Variants in HMGN1 observed in about 807,000 individuals in gnomAD.
HMGN1 encodes high mobility group nucleosome binding domain 1, also known as non-histone chromosomal protein HMG-14.
A neutral mutation model predicts 18.4 loss-of-function variants in HMGN1; 9 were observed. The ratio of observed to expected loss-of-function variants is 0.49; its 90% CI spans 0.29 to 0.85. The LOEUF is 0.85. HMGN1 is among the 40% of genes least tolerant of loss of function. The pLI is 0.07. For synonymous variants in HMGN1, 59 were observed against 45.0 expected, an observed-to-expected ratio of 1.31 and a Z score of -1.24; for missense variants, 151 against 119.2, an observed-to-expected ratio of 1.27 and a Z score of -1.24.
At chr21:39,345,105 G>A in intron 5 of HMGN1, 41 bp downstream of exon 5, 1 of 620,470 alleles carries the variant, frequency 1.6e-6, no homozygotes. Context: ...CAGAGTCAAA[G>A]CAATCACACA....
At chr21:39,345,604 C>T in intron 4 of HMGN1, 1 of 398,744 alleles carries the variant, frequency 2.5e-6, no homozygotes, top group Non-Finnish European at 4.7e-6. Flanking sequence ...ATAGTACTTG[C>T]ATGTCAAGCC....
chr21:39,344,443 T>C (rs987920485), intron 5 of HMGN1: 3 of 152,156 alleles, frequency 2.0e-5, no homozygotes, highest in East Asian at 1.9e-4. Flanking sequence ...AAATTACTTA[T>C]CTTTTCTAGC....
intron 1 of HMGN1, 108 bp from the exon 2 acceptor site, chr21:39,348,685 C>T: frequency 7.4e-7 from 1 of 1,360,106 alleles, no homozygotes; most frequent in East Asian, 2.6e-5. Context: ...GGCTTCCCGC[C>T]GCCCCGTTCG....
chr21:39,348,640 G>A, intron 1 of HMGN1, 63 bp from the exon 2 acceptor site: 12 of 1,510,294 alleles, frequency 7.9e-6, no homozygotes, highest in Admixed American at 2.4e-5. Flanking sequence ...GGGCCCGCCC[G>A]GCCCCGAGAA....
Position 39,348,906 on chromosome 21 carries a change from C to T in HMGN1, c.12G>A (p.Arg4=). The change falls in exon 1 of 6, where the codon AGG becomes AGA. Residue 4 remains arginine, a synonymous_variant. Coordinates refer to ENST00000380749, the MANE Select transcript of HMGN1 (RefSeq NM_004965.7). ...GCGGGCCGCGGCCGCCGCTCACCTTCCTCTTGGGCATCGTGGCGGCGGGGA... is the reference window on the plus strand; with the variant it reads ...GCGGGCCGCGGCCGCCGCTCACCTTTCTCTTGGGCATCGTGGCGGCGGGGA... MPK[R]KVSSAEGAAK... is the part of the protein sequence containing the mutation. 11 of 1,175,726 alleles carry T rather than the reference C, an allele frequency of 9.4e-6. No homozygotes were observed. The highest frequency in any genetic ancestry group is 9.4e-6 in the Non-Finnish European group (9 of 955,088). The allele number at this position is 1,175,726 out of a possible 1,614,324, so 72.8% of individuals were successfully genotyped here.
In HMGN1 at chr21:39,345,149, C is replaced by T; in HGVS notation, c.252G>A (p.Glu84=). 12 of 1,443,330 alleles carry T rather than the reference C, an allele frequency of 8.3e-6. No homozygotes were observed. Among genetic ancestry groups the T allele is most frequent in the Non-Finnish European group, 1.1e-5 (12 of 1,074,026 alleles). The allele number at this position is 1,443,330 out of a possible 1,614,324, so 89.4% of individuals were successfully genotyped here. Residue 84 remains glutamate (E), a synonymous_variant, in exon 5 of 6, where the codon GAG becomes GAA. Transcript: ENST00000380749. ...LPAENGETKT[E]ESPASDEAGE... The stretch of plus-strand genomic sequence containing the variant: ...CACACACACACACACTTCTGACCTC[C>T]TCAGTCTTCGTTTCCCCGTTTTCCG...
chr21:39,348,844 CCCGGCGGGGCG>C (rs915305468), intron 1 of HMGN1, 48 bp downstream of exon 1: 31 of 1,048,742 alleles, frequency 3.0e-5, no homozygotes, highest in African/African-American at 1.5e-4. Context: ...CCTCGCGGGG[CCCGGCGGGGCG>C]CCGGCGGCGG....
intron 5 of HMGN1, among the ~76,000 whole-genome samples, chr21:39,344,076 G>A (rs957597496): frequency 2.0e-5 from 3 of 152,064 alleles, no homozygotes; most frequent in South Asian, 2.1e-4. Flanking sequence ...CTAACACGGC[G>A]AAACCCCGTT....
At chr21:39,348,155 G>T in intron 4 of HMGN1, 137 bp downstream of exon 4, 1 of 1,181,806 alleles carries the variant, frequency 8.5e-7, no homozygotes. Flanking sequence ...TTTTTGCCTC[G>T]ACCACTAGAA....
chr21:39,345,998 T>G (rs1397749257), intron 4 of HMGN1: 1 of 1,247,252 alleles, frequency 8.0e-7, no homozygotes, highest in Non-Finnish European at 1.1e-6. Context: ...ACTAACTTGA[T>G]ACATTAAGTT....
intron 5 of HMGN1, among the ~76,000 whole-genome samples, chr21:39,344,036 C>A (rs1569003945): frequency 6.6e-6 from 1 of 152,116 alleles, no homozygotes; most frequent in Non-Finnish European, 1.5e-5. Context: ...GGACAGATCA[C>A]CTGAGGTCAG....
chr21:39,344,760 C>A (rs1320595028), intron 5 of HMGN1: 1 of 167,912 alleles, frequency 6.0e-6, no homozygotes, highest in Non-Finnish European at 1.3e-5. Context: ...TTATTTAGAC[C>A]TTTAAGAAAA....
At chr21:39,346,140 G>A (rs965117334) in intron 4 of HMGN1, 9 of 377,918 alleles carry the variant, frequency 2.4e-5, no homozygotes, top group African/African-American at 1.9e-4. Flanking sequence ...AGCCCCCAGC[G>A]GGTGGTATAA....
intron 4 of HMGN1, 63 bp downstream of exon 4, chr21:39,348,229 C>T: frequency 6.4e-7 from 1 of 1,574,692 alleles, no homozygotes; most frequent in East Asian, 2.2e-5. Flanking sequence ...AATGGAAGCC[C>T]CGCATTAAGA....
chr21:39,348,144 A>G (rs574963642), intron 4 of HMGN1, 148 bp downstream of exon 4: 33 of 1,051,234 alleles, frequency 3.1e-5, no homozygotes, highest in Middle Eastern at 6.3e-4. Flanking sequence ...TATCCATTAC[A>G]TTTTTGCCTC....
In HMGN1 at chr21:39,348,424, C is replaced by T. The variant is rs2037140437; in HGVS notation, c.76G>A (p.Ala26Thr). 6.2e-7 allele frequency: 1 copy of T among 1,614,088 alleles called. No individual in the cohort carries two copies. Among genetic ancestry groups the T allele is most frequent in the Admixed American group, 1.7e-5 (1 of 60,014 alleles). ...EPKRRSARLS[A>T]KPPAKVEAKP... The stretch of plus-strand genomic sequence containing the variant: ...GTTACGGGGCTCGCTTTACTTACAG[C>T]TGACAACCGCGCCGATCTCCTCTTG... Residue 26 changes from alanine (A) to threonine (T), a missense_variant and splice_region_variant, in exon 3 of 6, where the codon GCT (alanine) becomes ACT (threonine). Transcript: ENST00000380749.
At chr21:39,347,327 C>T (rs1183145612) in intron 4 of HMGN1, 1 of 994,358 alleles carries the variant, frequency 1.0e-6, no homozygotes, top group African/African-American at 1.7e-5. Context: ...TTTTTACACT[C>T]AGCTCTGTAA....
At chr21:39,348,193 T>C in intron 4 of HMGN1, 99 bp downstream of exon 4, 1 of 1,435,260 alleles carries the variant, frequency 7.0e-7, no homozygotes, top group Non-Finnish European at 9.7e-7. Flanking sequence ...TATTAAAGTA[T>C]AAATAAAGCT....
chr21:39,348,026 GAATA>G, intron 4 of HMGN1: 1 of 1,145,846 alleles, frequency 8.7e-7, no homozygotes. Context: ...GCAACGCAAA[GAATA>G]AATTTCCTTT....
Sources: gnomAD v4.1 joint callset for allele counts (sites outside exome capture counted in the v4.1 genomes callset) on GRCh38, gnomAD v4.1.1 for gene constraint, MANE v1.5 for transcripts, NCBI Gene and HGNC (gene_info 2026-07-23, HGNC 2026-07-21) for gene names.